NUP155: variants seen among roughly 807,000 people sequenced by gnomAD.
The protein encoded by NUP155 is nuclear pore complex protein Nup155.
In NUP155, 71 loss-of-function variants were observed where a neutral mutation model predicts 180.4. The ratio of observed to expected loss-of-function variants is 0.39; its 90% CI spans 0.33 to 0.48. NUP155 has a LOEUF of 0.48. NUP155 is among the 20% of genes least tolerant of loss of function. NUP155 has a pLI of 0.91. For synonymous variants in NUP155, 582 were observed against 559.5 expected (o/e 1.04, Z -0.57); for missense variants, 1,553 against 1,648.9 (o/e 0.94, Z 1.01).
intron 16 of NUP155, 100 bp from the exon 17 acceptor site, chr5:37,328,520 T>C (rs1042802346): frequency 2.3e-6 from 2 of 887,082 alleles, no homozygotes; most frequent in Non-Finnish European, 1.8e-6. Flanking sequence ...TTTTCTTTTT[T>C]TGAGGCAGGG....
chr5:37,369,037 G>T (rs1296511553), intron 1 of NUP155, among the ~76,000 whole-genome samples: 1 of 152,162 alleles, frequency 6.6e-6, no homozygotes, highest in Admixed American at 6.5e-5. Flanking sequence ...AGGACTGCTT[G>T]ATGCCAGGAA....
At chr5:37,293,022 T>C (rs1356878785) in intron 33 of NUP155, 37 bp from the exon 34 acceptor site, 4 of 1,281,558 alleles carry the variant, frequency 3.1e-6, no homozygotes. Context: ...GTGAGGCAAA[T>C]TGTGTCAATT....
At chr5:37,322,149 C>T (rs141637622) in intron 20 of NUP155, among the ~76,000 whole-genome samples, 339 of 152,054 alleles carry the variant, frequency 2.2e-3, no homozygotes, top group African/African-American at 7.8e-3. Context: ...CCATCACGCC[C>T]GGCCTATTTA....
intron 15 of NUP155, 52 bp downstream of exon 15, chr5:37,329,986 A>T: frequency 8.0e-7 from 1 of 1,255,212 alleles, no homozygotes; most frequent in Non-Finnish European, 1.2e-6. Context: ...ATCATTTTAA[A>T]AAGTGGCCCA....
At chr5:37,323,754 A>G (rs1331798714) in intron 20 of NUP155, among the ~76,000 whole-genome samples, 1 of 151,714 alleles carries the variant, frequency 6.6e-6, no homozygotes, top group Non-Finnish European at 1.5e-5. Flanking sequence ...AGTGGTTGCC[A>G]GGGACTGGGG....
At chr5:37,345,882 T>A (rs978873879) in intron 9 of NUP155, among the ~76,000 whole-genome samples, 2 of 136,446 alleles carry the variant, frequency 1.5e-5, no homozygotes, top group African/African-American at 5.6e-5. Flanking sequence ...CCAGCCTGGG[T>A]GACGTGACAG....
intron 25 of NUP155, among the ~76,000 whole-genome samples, chr5:37,306,933 G>C (rs1020030782): frequency 6.6e-6 from 1 of 151,984 alleles, no homozygotes; most frequent in African/African-American, 2.4e-5. Context: ...CACGGTGGCT[G>C]ATGGCTATAA....
chr5:37,288,454 C>G lies in NUP155; in HGVS notation c.*3446G>C, dbSNP rs1464630468. On this transcript the variant is annotated 3_prime_UTR_variant, in exon 35 of 35. Transcript: ENST00000231498. ...TAGCATAAACAGTTAGTCAAGATAGCTTTCTCTTTCCTAACCGTTTTGCCA... is the reference window on the plus strand; with the variant it reads ...TAGCATAAACAGTTAGTCAAGATAGGTTTCTCTTTCCTAACCGTTTTGCCA... 1.3e-5 allele frequency: 2 copies of G among 152,170 alleles called. No homozygotes were observed. The highest frequency in any genetic ancestry group is 1.3e-4 in the Admixed American group (2 of 15,276). The allele number at this position is 152,170 out of a possible 1,614,324, so 9.4% of individuals were successfully genotyped here.
intron 20 of NUP155, 86 bp downstream of exon 20, chr5:37,323,906 G>A: frequency 1.1e-6 from 1 of 914,160 alleles, no homozygotes; most frequent in Non-Finnish European, 1.8e-6. Context: ...CACTTTAAAA[G>A]GACCAACTTT....
At chr5:37,330,921 G>A (rs1268672166) in intron 14 of NUP155, among the ~76,000 whole-genome samples, 9 of 151,924 alleles carry the variant, frequency 5.9e-5, no homozygotes, top group African/African-American at 1.7e-4. Context: ...AGGCCGAGGC[G>A]GGTGGATCAT....
intron 23 of NUP155, chr5:37,309,658 T>C (rs1743404100): frequency 5.5e-6 from 1 of 181,562 alleles, no homozygotes; most frequent in Non-Finnish European, 1.2e-5. Context: ...TTCCTTAAGC[T>C]AAGGAGATAA....
chr5:37,345,817 T>C (rs1465514186), intron 9 of NUP155, among the ~76,000 whole-genome samples: 6 of 150,936 alleles, frequency 4.0e-5, no homozygotes, highest in Admixed American at 2.0e-4. Context: ...GGCAGGAGCA[T>C]TGCTTGAACC....
chr5:37,299,185 G>A (rs1742737330), intron 31 of NUP155, among the ~76,000 whole-genome samples: 1 of 152,336 alleles, frequency 6.6e-6, no homozygotes, highest in Non-Finnish European at 1.5e-5. Context: ...TGAGGTGAGT[G>A]TCTCAGTATC....
intron 1 of NUP155, among the ~76,000 whole-genome samples, chr5:37,366,314 G>A (rs919367223): frequency 6.6e-6 from 1 of 152,108 alleles, no homozygotes; most frequent in Non-Finnish European, 1.5e-5. Flanking sequence ...GTGTATTATG[G>A]AAATTTTTAA....
In NUP155 at chr5:37,333,476, A is replaced by T. The variant is rs1745110706; in HGVS notation, c.1505T>A (p.Leu502His). ...QHMLPPKKFV[L>H]LSAQGSLMFH... ...ATACGTACACACCTGTGCTGAGAGG[A>T]GAACAAATTTCTTCGGAGGTAACAT... Residue 502 changes from leucine to histidine, a missense_variant, in exon 13 of 35, where the codon CTC (leucine) becomes CAC (histidine). Coordinates refer to ENST00000231498, the MANE Select transcript of NUP155 (RefSeq NM_153485.3). 8.1e-6 allele frequency: 13 copies of T among 1,614,046 alleles called. No individual in the cohort carries two copies. The highest frequency in any genetic ancestry group is 1.1e-5 in the Non-Finnish European group (13 of 1,179,886).
At chr5:37,295,928 G>T (rs1306413) in intron 32 of NUP155, among the ~76,000 whole-genome samples, 1 of 143,300 alleles carries the variant, frequency 7.0e-6, no homozygotes, top group Non-Finnish European at 1.5e-5. Context: ...GGTGAGGGGC[G>T]CCTCTGCCCG....
chr5:37,331,958 TCA>T (rs1422725527), intron 13 of NUP155, among the ~76,000 whole-genome samples, 163 bp from the exon 14 acceptor site: 2 of 151,896 alleles, frequency 1.3e-5, no homozygotes, highest in African/African-American at 2.4e-5. Context: ...TTCCAGCACA[TCA>T]CGGGGCTGAG....
intron 32 of NUP155, among the ~76,000 whole-genome samples, chr5:37,297,927 C>A (rs1742673586): frequency 7.8e-6 from 1 of 128,548 alleles, no homozygotes; most frequent in Non-Finnish European, 1.6e-5. Flanking sequence ...AGTTTGAATG[C>A]TCATTTGAAA....
At chr5:37,370,605 T>C (rs768771296) in intron 1 of NUP155, 96 of 1,403,954 alleles carry the variant, frequency 6.8e-5, no homozygotes, top group Admixed American at 7.7e-5. Context: ...AACTGGGAGC[T>C]TGCTCTTCAC....
Sources: gnomAD v4.1 joint callset for allele counts (sites outside exome capture counted in the v4.1 genomes callset) on GRCh38, gnomAD v4.1.1 for gene constraint, MANE v1.5 for transcripts, NCBI Gene and HGNC (gene_info 2026-07-23, HGNC 2026-07-21) for gene names.